The following KCNQ1 variants were observed in gnomAD, a reference collection of about 807,000 sequenced individuals.
The protein encoded by KCNQ1 is potassium voltage-gated channel subfamily KQT member 1.
KCNQ1 carries 49 observed loss-of-function variants against 72.4 expected under a neutral mutation model. That is an observed-to-expected ratio of 0.68 (90% CI 0.54 to 0.86). The LOEUF is 0.86. Ranked by LOEUF, KCNQ1 falls within the 40% of genes least tolerant of loss-of-function variation. The pLI is 0.00. For missense variants in KCNQ1, 790 were observed against 945.1 expected, an observed-to-expected ratio of 0.84 and a Z score of 2.15; for synonymous variants, 450 against 412.6, an observed-to-expected ratio of 1.09 and a Z score of -1.10.
intron 15 of KCNQ1, among the ~76,000 whole-genome samples, chr11:2,780,628 G>A (rs975137622): frequency 2.6e-5 from 4 of 152,332 alleles, no homozygotes; most frequent in African/African-American, 7.2e-5. Flanking sequence ...CCCCAGGCCA[G>A]CTTGCCTAGC....
Position 2,712,538 on chromosome 11 carries a change from C to T in KCNQ1, c.1514+50457C>T, listed in dbSNP as rs995818649. ...ATTCCCGAAGCCACCAGGCCAGACACCGCCCCAGCTGAATGCATGCTGGCG... is the reference window on the plus strand; with the variant it reads ...ATTCCCGAAGCCACCAGGCCAGACATCGCCCCAGCTGAATGCATGCTGGCG... On this transcript the variant is annotated intron_variant, in intron 11 of 15. Transcript: ENST00000155840. This position sits in a 1 kb window ranked among gnomAD's most constrained non-coding sequence, Gnocchi z 6.4. Among the ~76,000 whole-genome samples the T allele has an allele frequency of 6.6e-6, 1 of 152,140 alleles. No homozygotes were observed. Among genetic ancestry groups the T allele is most frequent in the Non-Finnish European group, 1.5e-5 (1 of 67,998 alleles).
chr11:2,622,035 T>G (rs1849181971), intron 10 of KCNQ1: 1 of 397,324 alleles, frequency 2.5e-6, no homozygotes, highest in Non-Finnish European at 4.4e-6. Context: ...TTAGAACTGC[T>G]TTTGCTGCAT....
intron 11 of KCNQ1, chr11:2,672,498 A>G (rs1850204323): frequency 2.5e-6 from 1 of 398,666 alleles, no homozygotes; most frequent in Middle Eastern, 6.3e-4. Context: ...GGCAGTGCCT[A>G]GGAGCTCTGT....
chr11:2,680,208 A>T (rs1352107935), intron 11 of KCNQ1: 1 of 72,014 alleles, frequency 1.4e-5, no homozygotes, highest in Non-Finnish European at 2.3e-5. Flanking sequence ...TGCCTAATTA[A>T]AAAAAAAAAA....
intron 1 of KCNQ1, among the ~76,000 whole-genome samples, chr11:2,455,199 A>G (rs979438108): frequency 1.3e-4 from 19 of 151,534 alleles, no homozygotes; most frequent in African/African-American, 2.2e-4. Flanking sequence ...CCAGGTTCAC[A>G]CCATTCTCCT....
Position 2,619,172 on chromosome 11 carries a change from T to C in KCNQ1, c.1393+30318T>C, listed in dbSNP as rs143487362. ...CTGATTTGAATGTCTTTCATTTCTTTTTCTTGTCTGTTTGGTTGTACTAGT... is the reference window on the plus strand; with the variant it reads ...CTGATTTGAATGTCTTTCATTTCTTCTTCTTGTCTGTTTGGTTGTACTAGT... On this transcript the variant is annotated intron_variant, in intron 10 of 15. Transcript: ENST00000155840. 2,067 of 398,566 alleles carry C rather than the reference T, an allele frequency of 5.2e-3. 14 individuals are homozygous for C. The highest frequency in any genetic ancestry group is 7.0e-3 in the Non-Finnish European group (1,581 of 226,040). The allele number at this position is 398,566 out of a possible 1,614,324, so 24.7% of individuals were successfully genotyped here.
chr11:2,537,832 C>A lies in KCNQ1; in HGVS notation c.477+9814C>A, dbSNP rs981097565. Among the ~76,000 whole-genome samples the A allele has an allele frequency of 2.0e-5, 3 of 152,184 alleles. No homozygotes were observed. Among genetic ancestry groups the A allele is most frequent in the African/African-American group, 7.2e-5 (3 of 41,442 alleles). The stretch of plus-strand genomic sequence containing the variant: ...CTCCTGGCCTCAAGTGTTCCCACTT[C>A]AGCCTCCTGAGCAGCTGGGACTGTG... On this transcript the variant is annotated intron_variant, in intron 2 of 15. Transcript: ENST00000155840. This position sits in a 1 kb window ranked among gnomAD's most constrained non-coding sequence, Gnocchi z 5.2.
At chr11:2,709,556 G>A (rs1017168382) in intron 11 of KCNQ1, among the ~76,000 whole-genome samples, 1 of 151,982 alleles carries the variant, frequency 6.6e-6, no homozygotes, top group Non-Finnish European at 1.5e-5. Context: ...TCAGAGTTGC[G>A]CAACCATCAC....
At position 2,769,013 on chromosome 11, in the gene KCNQ1, T is replaced by C. The variant is rs565074839; in HGVS notation, c.1590+94T>C. ...CTCCTGGGTTCTCTCCTGCCCATAG[T>C]GGAGGGTGTCAAGGCCTCCGCCCCC... is the stretch of plus-strand genomic sequence containing the variant. On this transcript the variant is annotated intron_variant, in intron 12 of 15. Coordinates refer to ENST00000155840, the MANE Select transcript of KCNQ1 (RefSeq NM_000218.3). This position sits in a 1 kb window ranked among gnomAD's most constrained non-coding sequence, Gnocchi z 4.6. 14 of 1,100,428 alleles carry C rather than the reference T, an allele frequency of 1.3e-5. No homozygotes were observed. The African/African-American group carries it at 1.7e-4, about 13-fold the overall frequency. 68.2% of individuals were successfully genotyped at this position (1,100,428 alleles called of 1,614,324 possible). A position where few individuals can be genotyped will look rare whatever the true frequency, so the allele number is the denominator to read the frequency against.
At chr11:2,718,542 T>C (rs1194353581) in intron 11 of KCNQ1, among the ~76,000 whole-genome samples, 1 of 152,218 alleles carries the variant, frequency 6.6e-6, no homozygotes, top group African/African-American at 2.4e-5. Context: ...GTACATGTCA[T>C]GGAGGATAGT....
At chr11:2,702,947 C>T (rs980344292) in intron 11 of KCNQ1, among the ~76,000 whole-genome samples, 1 of 152,204 alleles carries the variant, frequency 6.6e-6, no homozygotes, top group Non-Finnish European at 1.5e-5. Flanking sequence ...CTGTTGTGTG[C>T]CCCCACTCCC....
chr11:2,837,284 A>G (rs911058886), intron 15 of KCNQ1, among the ~76,000 whole-genome samples: 16 of 152,108 alleles, frequency 1.1e-4, no homozygotes, highest in Non-Finnish European at 1.9e-4. Flanking sequence ...AGGTGGCCAG[A>G]GGCCTCTCAG....
In KCNQ1 at chr11:2,592,230, G is replaced by A. The variant is rs577375476; in HGVS notation, c.1393+3376G>A. Among the ~76,000 whole-genome samples, 2 of 152,364 alleles carry A rather than the reference G, an allele frequency of 1.3e-5. No individual in the cohort carries two copies. Among genetic ancestry groups the A allele is most frequent in the South Asian group, 2.1e-4 (1 of 4,830 alleles). ...TGGCCCCATTTATAGATGGAGAAAC[G>A]GAAGGCCAGGGCCATGTGGGGAACT... On this transcript the variant is annotated intron_variant, in intron 10 of 15. Coordinates refer to ENST00000155840, the MANE Select transcript of KCNQ1 (RefSeq NM_000218.3). The surrounding 1 kb of genome is among the most constrained non-coding windows in gnomAD (Gnocchi z 5.2).
At chr11:2,505,476 GGT>G (rs1847088530) in intron 1 of KCNQ1, among the ~76,000 whole-genome samples, 1 of 152,078 alleles carries the variant, frequency 6.6e-6, no homozygotes, top group South Asian at 2.1e-4. Context: ...TCTGCATGTT[GGT>G]TAGATCTAGG....
chr11:2,510,659 C>T (rs905104928), intron 1 of KCNQ1, among the ~76,000 whole-genome samples: 9 of 152,200 alleles, frequency 5.9e-5, no homozygotes, highest in African/African-American at 1.4e-4. Context: ...GGGCAATGTC[C>T]GTGAAATTGA....
At chr11:2,466,150 G>A (rs1027837164) in intron 1 of KCNQ1, among the ~76,000 whole-genome samples, 1 of 152,158 alleles carries the variant, frequency 6.6e-6, no homozygotes, top group Non-Finnish European at 1.5e-5. Context: ...GTGTCGCTGA[G>A]GAAGCTGGAA....
intron 1 of KCNQ1, among the ~76,000 whole-genome samples, chr11:2,449,807 T>C (rs1036182017): frequency 1.3e-5 from 2 of 152,076 alleles, no homozygotes; most frequent in African/African-American, 4.8e-5. Context: ...GCTAGGCTGG[T>C]TTCAAGTCTG....
intron 11 of KCNQ1, among the ~76,000 whole-genome samples, chr11:2,733,814 A>ACACACACACACACACACACT: frequency 5.8e-5 from 5 of 86,652 alleles, no homozygotes; most frequent in East Asian, 6.4e-4. Context: ...ACACACACAC[A>ACACACACACACACACACACT]CTCTCTCACT....
intron 1 of KCNQ1, among the ~76,000 whole-genome samples, chr11:2,499,887 A>G (rs1244669084): frequency 6.6e-6 from 1 of 152,246 alleles, no homozygotes; most frequent in Non-Finnish European, 1.5e-5. Flanking sequence ...CTCAGCACAT[A>G]GCTCATTCTC....
Sources: allele counts gnomAD v4.1 joint callset (sites outside exome capture counted in the v4.1 genomes callset), GRCh38; gene constraint gnomAD v4.1.1; non-coding constraint Gnocchi (gnomAD v3.1); transcripts MANE v1.5; gene names NCBI Gene and HGNC (gene_info 2026-07-23, HGNC 2026-07-21).